The following ERCC2 variants were observed in gnomAD, a reference collection of about 807,000 sequenced individuals.
ERCC2 encodes ERCC excision repair 2, TFIIH core complex helicase subunit.
In ERCC2, 90 loss-of-function variants were observed where a neutral mutation model predicts 99.4. The observed-to-expected ratio is 0.91, with a 90% CI of 0.76 to 1.08. ERCC2 has a LOEUF of 1.08. Among genes scored for constraint, ERCC2 ranks in the 50% least tolerant of loss-of-function variants. The probability of loss-of-function intolerance (pLI) is 0.00; values close to 1 mark genes in which losing one functional copy is unlikely to be tolerated. For missense variants in ERCC2, 993 were observed against 1,038.1 expected, an observed-to-expected ratio of 0.96 and a Z score of 0.60; for synonymous variants, 497 against 432.4, an observed-to-expected ratio of 1.15 and a Z score of -1.85.
chr19:45,356,305 T>C (rs1972010612), intron 15 of ERCC2, among the ~76,000 whole-genome samples: 2 of 151,950 alleles, frequency 1.3e-5, no homozygotes, highest in Non-Finnish European at 2.9e-5. Context: ...TGAACACATT[T>C]CTTTTTCAAG....
At position 45,368,682 on chromosome 19, in the gene ERCC2, G is replaced by A. The variant is rs142462393; in HGVS notation, c.308C>T (p.Pro103Leu). 132 of 1,614,034 alleles carry A rather than the reference G, an allele frequency of 8.2e-5. No homozygotes were observed. The highest frequency in any genetic ancestry group is 1.1e-4 in the Non-Finnish European group (127 of 1,180,008). ...GGAGCTCAGAGCCAGTCCCAGAAAC[G>A]GCAGCTTCTCGCCCTCCTGCTTCTC... ...FYEKQEGEKL[P>L]FLGLALSSRK... The change falls in exon 5 of 23, where the codon CCG (proline) becomes CTG (leucine). Residue 103 changes from proline (P) to leucine (L), a missense_variant. Pro to Leu is a moderately conservative substitution (Grantham distance 98). Coordinates refer to ENST00000391945, the MANE Select transcript of ERCC2 (RefSeq NM_000400.4).
rs1290976856 is a variant in ERCC2, at chr19:45,363,862, C to T, written c.999G>A (p.Leu333=). 1 of 1,551,632 alleles carries T rather than the reference C, an allele frequency of 6.4e-7. No individual in the cohort carries two copies. The highest frequency in any genetic ancestry group is 8.7e-7 in the Non-Finnish European group (1 of 1,155,472). Residue 333 remains leucine (L), a synonymous_variant, in exon 11 of 23, where the codon CTG becomes CTA. Coordinates refer to ENST00000391945, the MANE Select transcript of ERCC2 (RefSeq NM_000400.4). ...ACTTCACGTACTCCAGCAGCCGCCT[C>T]AGGAAGCCCAGGAAATGCTCGGCCG... ...IRTAEHFLGF[L]RRLLEYVKWR... is the part of the protein sequence containing the mutation.
Position 45,352,336 on chromosome 19 carries a change from TC to T in ERCC2, c.2062del (p.Asp688ThrfsTer21), listed in dbSNP as rs1187595101. The T allele has an allele frequency of 6.2e-7, 1 of 1,613,976 alleles. No individual in the cohort carries two copies. Among genetic ancestry groups the T allele is most frequent in the Non-Finnish European group, 8.5e-7 (1 of 1,180,010 alleles). On this transcript the variant is annotated frameshift_variant, in exon 22 of 23. Coordinates refer to ENST00000391945, the MANE Select transcript of ERCC2 (RefSeq NM_000400.4). LOFTEE classifies it high-confidence loss of function. The part of the protein sequence containing the change: ...VFADKRFARG[D>X]KRGKLPRWIQ... Reference sequence around the variant, plus strand: ...CCAGCGGGGCAGCTTCCCCCGCTTGTCCCCACGGGCAAACCGCTGTGGGCAG... The same window carrying T: ...CCAGCGGGGCAGCTTCCCCCGCTTGTCCCACGGGCAAACCGCTGTGGGCAG...
intron 11 of ERCC2, among the ~76,000 whole-genome samples, chr19:45,362,841 T>C (rs1972272490): frequency 6.6e-6 from 1 of 152,204 alleles, no homozygotes; most frequent in Non-Finnish European, 1.5e-5. Flanking sequence ...CCCACAGGCA[T>C]GGCTTCAAGC....
chr19:45,354,293 C>A lies in ERCC2; in HGVS notation c.1665+437G>T, dbSNP rs867216740. On this transcript the variant is annotated intron_variant, in intron 17 of 22. Coordinates refer to ENST00000391945, the MANE Select transcript of ERCC2 (RefSeq NM_000400.4). ...TCCTCTAGCTGCTTCCCTGAAGGGG[C>A]TCCTGCAGACCCTTGAGAGGCTCGC... Among the ~76,000 whole-genome samples, 4 of 152,250 alleles carry A rather than the reference C, an allele frequency of 2.6e-5. No individual in the cohort carries two copies. The South Asian group carries it at 8.3e-4, about 31-fold the overall frequency.
At chr19:45,370,443 G>A (rs1162710960) in intron 1 of ERCC2, 93 bp downstream of exon 1, 3 of 934,716 alleles carry the variant, frequency 3.2e-6, no homozygotes, top group Non-Finnish European at 2.7e-6. Flanking sequence ...CCCTCCCCTC[G>A]CCCCCTTGGG....
chr19:45,357,311 T>C lies in ERCC2; in HGVS notation c.1438A>G (p.Thr480Ala), dbSNP rs757100147. ...ILDFHPVTMA[T>A]FTMTLARVCL... ...ACCCGTGCCAGCGTCATGGTGAAGG[T>C]TGCCATGGTGACGGGGTGGAAGTCC... Residue 480 changes from threonine (T) to alanine (A), a missense_variant, in exon 15 of 23, where the codon ACC becomes GCC. Physicochemically the swap from Thr to Ala is moderately conservative, Grantham distance 58 (BLOSUM62 0). This residue lies in a region of ERCC2 where 909 missense variants were observed against 930.8 expected (regional missense o/e 0.98). Coordinates refer to ENST00000391945, the MANE Select transcript of ERCC2 (RefSeq NM_000400.4). 3 of 1,613,916 alleles carry C rather than the reference T, an allele frequency of 1.9e-6. No individual in the cohort carries two copies. The highest frequency in any genetic ancestry group is 3.3e-5 in the Admixed American group (2 of 59,996).
intron 12 of ERCC2, chr19:45,358,730 A>G: frequency 1.4e-6 from 1 of 713,114 alleles, no homozygotes; most frequent in South Asian, 1.5e-5. Flanking sequence ...CACCTTTTCT[A>G]CGCAGACATA....
In ERCC2 at chr19:45,351,387, C is replaced by G; in HGVS notation, c.*242G>C. ...CAGTGAACTGCGCTGGCCGCAGCTT[C>G]TTGGGAACAGTGCAGGAGGGATGGG... On this transcript the variant is annotated 3_prime_UTR_variant, in exon 23 of 23. Coordinates refer to ENST00000391945, the MANE Select transcript of ERCC2 (RefSeq NM_000400.4). The G allele has an allele frequency of 6.2e-7, 1 of 1,607,022 alleles. No homozygotes were observed. Among genetic ancestry groups the G allele is most frequent in the Non-Finnish European group, 8.5e-7 (1 of 1,179,890 alleles).
intron 12 of ERCC2, chr19:45,358,828 G>C: frequency 1.3e-6 from 1 of 780,742 alleles, no homozygotes; most frequent in Admixed American, 1.7e-5. Context: ...TTTGCTACTG[G>C]TTTTCCCATC....
Position 45,357,577 on chromosome 19 carries a change from G to A in ERCC2, c.1308-34C>T, listed in dbSNP as rs746172007. ...AGATGAGGGCAGTGAGGGCCCGGGGGGCTGGGCCCCCGACCCACAGAGCAT... is the reference window on the plus strand; with the variant it reads ...AGATGAGGGCAGTGAGGGCCCGGGGAGCTGGGCCCCCGACCCACAGAGCAT... On this transcript the variant is annotated intron_variant, in intron 13 of 22. Transcript: ENST00000391945. 3 of 1,613,448 alleles carry A rather than the reference G, an allele frequency of 1.9e-6. No homozygotes were observed. In the East Asian group the frequency reaches 6.7e-5, roughly 36 times the overall value.
intron 5 of ERCC2, among the ~76,000 whole-genome samples, chr19:45,367,963 C>T (rs1053465115): frequency 2.7e-5 from 4 of 150,814 alleles, no homozygotes; most frequent in African/African-American, 9.8e-5. Flanking sequence ...AGTGGCATGA[C>T]CTCAGCTCAC....
chr19:45,357,705 G>A lies in ERCC2; in HGVS notation c.1238-6C>T. On this transcript the variant is annotated splice_region_variant and splice_polypyrimidine_tract_variant and intron_variant, in intron 12 of 22. Transcript: ENST00000391945. ...CTCGATGATGATGGTGAAGCCTGCAGAGGGCAGGCAAGGAGGGGTGAGATT... is the reference window on the plus strand; with the variant it reads ...CTCGATGATGATGGTGAAGCCTGCAAAGGGCAGGCAAGGAGGGGTGAGATT... 1 of 1,613,298 alleles carries A rather than the reference G, an allele frequency of 6.2e-7. No individual in the cohort carries two copies. Among genetic ancestry groups the A allele is most frequent in the Non-Finnish European group, 8.5e-7 (1 of 1,179,812 alleles).
chr19:45,365,096 A>G lies in ERCC2; in HGVS notation c.423T>C (p.Tyr141=), dbSNP rs766606311. The G allele has an allele frequency of 6.8e-6, 11 of 1,614,020 alleles. No individual in the cohort carries two copies. Among genetic ancestry groups the G allele is most frequent in the South Asian group, 3.3e-5 (3 of 91,084 alleles). ...TGTCATGCTGGTACTGCGCCCGCAC[A>G]TAGGAGGCTGTGAGGCTGTGGCATT... The part of the protein sequence containing the change: ...DGKCHSLTAS[Y]VRAQYQHDTS... The change falls in exon 6 of 23, where the codon TAT becomes TAC. Residue 141 remains tyrosine (Y), a synonymous_variant. Coordinates refer to ENST00000391945, the MANE Select transcript of ERCC2 (RefSeq NM_000400.4).
rs775910108 is a variant in ERCC2 at position 45,352,572 on chromosome 19, C to T, written c.1980G>A (p.Ala660=). 16 of 1,613,978 alleles carry T rather than the reference C, an allele frequency of 9.9e-6. No homozygotes were observed. Among genetic ancestry groups the T allele is most frequent in the Middle Eastern group, 1.6e-4 (1 of 6,084 alleles). Residue 660 remains alanine (A), a synonymous_variant, in exon 21 of 23, where the codon GCG becomes GCA. Coordinates refer to ENST00000391945, the MANE Select transcript of ERCC2 (RefSeq NM_000400.4). The part of the protein sequence containing the change: ...DFLTFDAMRH[A]AQCVGRAIRG... ...TGATGGCCCGACCCACACACTGGGC[C>T]GCGTGGCGCATGGCATCGAAGGTAA... is the stretch of plus-strand genomic sequence containing the variant.
rs1349090739 is a variant in ERCC2 at position 45,370,524 on chromosome 19, C to T, written c.5+12G>A. 7 of 1,590,078 alleles carry T rather than the reference C, an allele frequency of 4.4e-6. No individual in the cohort carries two copies. Among genetic ancestry groups the T allele is most frequent in the Non-Finnish European group, 3.4e-6 (4 of 1,173,376 alleles). On this transcript the variant is annotated intron_variant, in intron 1 of 22. Transcript: ENST00000391945. ...GCCCGCTAGCGAGCGCGACCCCCAG[C>T]CCCCTTCTCACTTCATGGCGCCGGC...
rs117820157 is a variant in ERCC2 at position 45,369,280 on chromosome 19, G to T, written c.106-133C>A. The T allele has an allele frequency of 4.2e-4, 315 of 751,526 alleles. No homozygotes were observed. The East Asian group carries it at 7.9e-3, about 19-fold the overall frequency. The allele number at this position is 751,526 out of a possible 1,614,324, so 46.6% of individuals were successfully genotyped here. On this transcript the variant is annotated intron_variant, in intron 2 of 22. Coordinates refer to ENST00000391945, the MANE Select transcript of ERCC2 (RefSeq NM_000400.4). ...ATAACACAGCAGCAGTTAAGATTGGGCAGTGGGTTTGAACCTCACTTCTGC... is the reference window on the plus strand; with the variant it reads ...ATAACACAGCAGCAGTTAAGATTGGTCAGTGGGTTTGAACCTCACTTCTGC...
chr19:45,351,985 CAACTTCTCTCACCCT>C (rs1971810944), intron 22 of ERCC2, among the ~76,000 whole-genome samples: 1 of 152,206 alleles, frequency 6.6e-6, no homozygotes. Context: ...CTCCTCACCC[CAACTTCTCTCACCCT>C]GCCGTGCCTG....
rs1475673553 is a variant in ERCC2, at chr19:45,351,148, AGGAGCAAAGATGGGTT to A, written c.*465_*480del. 2 of 1,594,814 alleles carry A rather than the reference AGGAGCAAAGATGGGTT, an allele frequency of 1.3e-6. No homozygotes were observed. Among genetic ancestry groups the A allele is most frequent in the Admixed American group, 3.4e-5 (2 of 58,468 alleles). ...GTTGGTGTCAGAAGAGACCCAGGAC[AGGAGCAAAGATGGGTT>A]TTACTTGGGGTAGAGGCGAGGGGGT... On this transcript the variant is annotated 3_prime_UTR_variant, in exon 23 of 23. Coordinates refer to ENST00000391945, the MANE Select transcript of ERCC2 (RefSeq NM_000400.4).
Sources: allele counts gnomAD v4.1 joint callset (sites outside exome capture counted in the v4.1 genomes callset), GRCh38; gene constraint gnomAD v4.1.1; regional missense constraint gnomAD v4.1.1; transcripts MANE v1.5; gene names NCBI Gene and HGNC (gene_info 2026-07-23, HGNC 2026-07-21).